The following TMTC2 variants were observed in gnomAD, a reference collection of about 807,000 sequenced individuals.
TMTC2 encodes transmembrane O-mannosyltransferase targeting cadherins 2.
Under a neutral mutation model 82.4 loss-of-function variants are expected in TMTC2, and 43 were observed. The ratio of observed to expected loss-of-function variants is 0.52; its 90% CI spans 0.41 to 0.67. The LOEUF (loss-of-function observed/expected upper bound fraction) is 0.67. Ranked by LOEUF, TMTC2 falls within the 30% of genes least tolerant of loss-of-function variation. TMTC2 has a pLI of 0.00. For synonymous variants in TMTC2, 408 were observed against 381.9 expected (o/e 1.07, Z -0.80); for missense variants, 919 against 1,012.4 (o/e 0.91, Z 1.25).
intron 1 of TMTC2, among the ~76,000 whole-genome samples, chr12:82,695,304 T>C (rs1172324748): frequency 1.3e-5 from 2 of 152,246 alleles, no homozygotes; most frequent in African/African-American, 4.8e-5. Flanking sequence ...CTGTGTCTTA[T>C]GAAATTCTGT....
intron 1 of TMTC2, among the ~76,000 whole-genome samples, chr12:82,834,626 G>A (rs1869929583): frequency 6.6e-6 from 1 of 152,142 alleles, no homozygotes. Flanking sequence ...CTGGATAAAT[G>A]AGCCTCTCTC....
chr12:82,785,704 G>C lies in TMTC2; in HGVS notation c.84-71306G>C, dbSNP rs368485254. Among the ~76,000 whole-genome samples, 731 of 152,116 alleles carry C rather than the reference G, an allele frequency of 4.8e-3. 6 individuals carry two copies. The highest frequency in any genetic ancestry group is 0.027 in the South Asian group (129 of 4,824). On this transcript the variant is annotated intron_variant, in intron 1 of 11. Coordinates refer to ENST00000321196, the MANE Select transcript of TMTC2 (RefSeq NM_152588.3). ...AATAATGATATCGAAGATTAAAATG[G>C]CAGTCTTTCACTGTCTAACCTGATT... is the stretch of plus-strand genomic sequence containing the variant.
At chr12:82,942,057 A>T (rs767264769) in intron 4 of TMTC2, among the ~76,000 whole-genome samples, 8 of 152,188 alleles carry the variant, frequency 5.3e-5, no homozygotes, top group Non-Finnish European at 1.2e-4. Context: ...ATGATTTTGA[A>T]ATATAGTCTT....
In TMTC2 at chr12:82,979,678, C is replaced by T. The variant is rs927490090; in HGVS notation, c.1949-6247C>T. Among the ~76,000 whole-genome samples, 8 of 151,762 alleles carry T rather than the reference C, an allele frequency of 5.3e-5. 1 individual carries two copies. Among genetic ancestry groups the T allele is most frequent in the Admixed American group, 4.6e-4 (7 of 15,198 alleles). ...TATTCTGTGTTTTTCTCCATACTTA[C>T]TACTACCAGTGAGTTTTGTACTTTC... is the stretch of plus-strand genomic sequence containing the variant. On this transcript the variant is annotated intron_variant, in intron 7 of 11. Transcript: ENST00000321196.
At chr12:82,899,605 A>AAT (rs1264923070) in intron 3 of TMTC2, among the ~76,000 whole-genome samples, 14 of 131,088 alleles carry the variant, frequency 1.1e-4, no homozygotes, top group East Asian at 1.0e-3. Flanking sequence ...ATATATGTGG[A>AAT]ATATATATAT....
chr12:82,965,436 A>G (rs989901355), intron 5 of TMTC2, 124 bp from the exon 6 acceptor site: 1 of 959,296 alleles, frequency 1.0e-6, no homozygotes, highest in South Asian at 1.7e-5. Context: ...TATTTGTGTC[A>G]TAAGTATTTT....
chr12:83,104,974 C>T (rs1884347122), intron 11 of TMTC2, among the ~76,000 whole-genome samples: 1 of 152,186 alleles, frequency 6.6e-6, no homozygotes. Flanking sequence ...TGCTTGAACA[C>T]TTTACTGCTT....
chr12:82,752,524 G>A (rs186920073), intron 1 of TMTC2, among the ~76,000 whole-genome samples: 121 of 152,084 alleles, frequency 8.0e-4, no homozygotes, highest in Non-Finnish European at 1.4e-3. Context: ...CTTAGGGCTG[G>A]AGTTACCCTG....
intron 4 of TMTC2, among the ~76,000 whole-genome samples, chr12:82,953,852 A>C (rs1419381796): frequency 7.1e-6 from 1 of 141,600 alleles, no homozygotes; most frequent in Non-Finnish European, 1.6e-5. Flanking sequence ...AAAAAAAAAA[A>C]CCCTTAGTTT....
chr12:82,958,354 CAAA>C (rs750819932), intron 4 of TMTC2, among the ~76,000 whole-genome samples: 8 of 19,954 alleles, frequency 4.0e-4, no homozygotes, highest in East Asian at 1.3e-3. Context: ...GAGTCTGTCT[CAAA>C]AAAAAAAAAA....
chr12:82,864,762 A>G lies in TMTC2; in HGVS notation c.654+7182A>G, dbSNP rs181692185. On this transcript the variant is annotated intron_variant, in intron 2 of 11. Transcript: ENST00000321196. ...GTGATCCGCCCGCCTTGGCCTCCCA[A>G]CATGCTGGGATTACAGGCGTGAGCC... 6.3e-3 allele frequency among the ~76,000 whole-genome samples: 951 copies of G among 151,538 alleles called. 9 individuals carry two copies. The highest frequency in any genetic ancestry group is 0.022 in the African/African-American group (905 of 41,374).
At chr12:83,095,261 G>A (rs1311932099) in intron 11 of TMTC2, among the ~76,000 whole-genome samples, 3 of 148,108 alleles carry the variant, frequency 2.0e-5, no homozygotes, top group Non-Finnish European at 3.0e-5. Context: ...GTTTTTTTGA[G>A]ATGGAGTCTC....
Position 82,944,480 on chromosome 12 carries a change from G to C in TMTC2, c.1598+13935G>C, listed in dbSNP as rs1477691719. ...GCACCAGTAGTCCCAGCGACTCCCA[G>C]GCAGGAGAAAGGCGTGAACCCGGGA... On this transcript the variant is annotated intron_variant, in intron 4 of 11. Coordinates refer to ENST00000321196, the MANE Select transcript of TMTC2 (RefSeq NM_152588.3). Among the ~76,000 whole-genome samples, 4 of 150,246 alleles carry C rather than the reference G, an allele frequency of 2.7e-5. 1 individual carries two copies. Among genetic ancestry groups the C allele is most frequent in the Admixed American group, 2.7e-4 (4 of 15,042 alleles).
chr12:82,874,382 A>G lies in TMTC2; in HGVS notation c.654+16802A>G, dbSNP rs566128097. Among the ~76,000 whole-genome samples the G allele has an allele frequency of 2.0e-5, 3 of 152,306 alleles. No homozygotes were observed. The South Asian group carries it at 6.2e-4, about 32-fold the overall frequency. On this transcript the variant is annotated intron_variant, in intron 2 of 11. Transcript: ENST00000321196. Reference sequence around the variant, plus strand: ...CCAAATTGCATGCTACTTGAATCATAATTTAAAATATAATTTTACTGCTAA... The same window carrying G: ...CCAAATTGCATGCTACTTGAATCATGATTTAAAATATAATTTTACTGCTAA...
At chr12:82,815,773 C>G (rs1868677065) in intron 1 of TMTC2, among the ~76,000 whole-genome samples, 1 of 152,080 alleles carries the variant, frequency 6.6e-6, no homozygotes, top group South Asian at 2.1e-4. Context: ...ACTCAATAAA[C>G]TTCAGACTGA....
chr12:82,876,617 A>G (rs577596998), intron 2 of TMTC2, among the ~76,000 whole-genome samples: 2 of 152,342 alleles, frequency 1.3e-5, no homozygotes, highest in African/African-American at 4.8e-5. Context: ...CTTAAATCCT[A>G]AATATTCCAT....
rs201778968 is a variant in TMTC2 at position 83,074,927 on chromosome 12, G to A, written c.2331+13096G>A. On this transcript the variant is annotated intron_variant, in intron 11 of 11. Coordinates refer to ENST00000321196, the MANE Select transcript of TMTC2 (RefSeq NM_152588.3). ...CCCATTCAGGTAGTTACAAAGTTCA[G>A]CTAGAGATTTCCTTCTCCCTGTGGA... is the stretch of plus-strand genomic sequence containing the variant. Among the ~76,000 whole-genome samples, 7 of 152,290 alleles carry A rather than the reference G, an allele frequency of 4.6e-5. 1 individual carries two copies. In the East Asian group the frequency reaches 1.4e-3, roughly 29 times the overall value.
intron 1 of TMTC2, among the ~76,000 whole-genome samples, chr12:82,744,614 G>T (rs1054310319): frequency 3.4e-5 from 5 of 147,196 alleles, no homozygotes; most frequent in African/African-American, 1.2e-4. Context: ...GCAGCAAGGG[G>T]TGGACAGGGA....
At chr12:82,814,480 T>A (rs752900699) in intron 1 of TMTC2, among the ~76,000 whole-genome samples, 1 of 152,168 alleles carries the variant, frequency 6.6e-6, no homozygotes, top group Non-Finnish European at 1.5e-5. Flanking sequence ...TCAAGTGCCA[T>A]GACAAAATGA....
Sources: allele counts gnomAD v4.1 joint callset (sites outside exome capture counted in the v4.1 genomes callset), GRCh38; gene constraint gnomAD v4.1.1; transcripts MANE v1.5; gene names NCBI Gene and HGNC (gene_info 2026-07-23, HGNC 2026-07-21).